The following OTOGL variants were observed in gnomAD, a reference collection of about 807,000 sequenced individuals.
OTOGL encodes the protein otogelin like.
A neutral mutation model predicts 318.5 loss-of-function variants in OTOGL; 285 were observed. The ratio of observed to expected loss-of-function variants is 0.89; its 90% CI spans 0.81 to 0.99. The LOEUF is 0.99. Among genes scored for constraint, OTOGL ranks in the 50% least tolerant of loss-of-function variants. OTOGL has a pLI of 0.00. For synonymous variants in OTOGL, 987 were observed against 936.5 expected (o/e 1.05, Z -0.99); for missense variants, 2,899 against 2,845.6 (o/e 1.02, Z -0.43).
intron 1 of OTOGL, among the ~76,000 whole-genome samples, chr12:80,115,184 T>C (rs1297740599): frequency 6.6e-6 from 1 of 152,110 alleles, no homozygotes; most frequent in Non-Finnish European, 1.5e-5. Context: ...TTCTGGTTTT[T>C]GTAATTTTCA....
intron 1 of OTOGL, among the ~76,000 whole-genome samples, chr12:80,119,937 C>A (rs1237490798): frequency 1.3e-5 from 2 of 152,116 alleles, no homozygotes; most frequent in Non-Finnish European, 2.9e-5. Flanking sequence ...ATAATTTTTT[C>A]ATCAGTTGTC....
Position 80,148,085 on chromosome 12 carries a change from A to G in OTOGL, c.-20+48480A>G, listed in dbSNP as rs372549113. ...GTTAATATTGTTATGTGTGAATTTG[A>G]TCCTGTCATGATGATGTTAGCTGGT... On this transcript the variant is annotated intron_variant, in intron 1 of 58. Coordinates refer to ENST00000547103, the MANE Select transcript of OTOGL (RefSeq NM_001378609.3). Among the ~76,000 whole-genome samples the G allele has an allele frequency of 4.3e-4, 65 of 150,754 alleles. No homozygotes were observed. The East Asian group carries it at 8.1e-3, about 19-fold the overall frequency.
intron 14 of OTOGL, 39 bp from the exon 15 acceptor site, chr12:80,254,485 T>C: frequency 6.5e-7 from 1 of 1,532,470 alleles, no homozygotes; most frequent in Non-Finnish European, 9.0e-7. Flanking sequence ...ATACAGTTTC[T>C]CTATGCCAAT....
chr12:80,349,223 G>C (rs752544122), intron 44 of OTOGL, among the ~76,000 whole-genome samples: 2 of 152,138 alleles, frequency 1.3e-5, no homozygotes, highest in African/African-American at 2.4e-5. Flanking sequence ...GGTTGGAAGA[G>C]TTATTAGTAT....
At chr12:80,332,522 C>A (rs1592718298) in intron 37 of OTOGL, among the ~76,000 whole-genome samples, 1 of 152,178 alleles carries the variant, frequency 6.6e-6, no homozygotes, top group South Asian at 2.1e-4. Context: ...CACCCATCAA[C>A]TAGGGCTTCC....
chr12:80,183,344 A>C (rs567612415), intron 1 of OTOGL, among the ~76,000 whole-genome samples: 30 of 152,336 alleles, frequency 2.0e-4, no homozygotes, highest in Admixed American at 1.4e-3. Flanking sequence ...AATAGATATA[A>C]GATTTGAAGT....
intron 8 of OTOGL, among the ~76,000 whole-genome samples, chr12:80,229,641 T>C (rs1321109047): frequency 1.3e-5 from 2 of 151,646 alleles, no homozygotes; most frequent in Non-Finnish European, 2.9e-5. Context: ...TGAGAGTCTC[T>C]CTCTCTCTTT....
At chr12:80,152,938 C>T (rs1054147682) in intron 1 of OTOGL, among the ~76,000 whole-genome samples, 1 of 152,204 alleles carries the variant, frequency 6.6e-6, no homozygotes, top group Admixed American at 6.5e-5. Context: ...AGGTGGTCCA[C>T]CTGCCTCGGC....
At chr12:80,264,627 A>G (rs1882799938) in intron 19 of OTOGL, among the ~76,000 whole-genome samples, 1 of 152,124 alleles carries the variant, frequency 6.6e-6, no homozygotes, top group South Asian at 2.1e-4. Flanking sequence ...TAATATCCAC[A>G]ATCTGGAACC....
At chr12:80,172,240 A>G (rs1466612596) in intron 1 of OTOGL, among the ~76,000 whole-genome samples, 5 of 151,920 alleles carry the variant, frequency 3.3e-5, no homozygotes, top group Non-Finnish European at 7.4e-5. Context: ...CCCTCCTCAA[A>G]TGTCATATTC....
intron 44 of OTOGL, among the ~76,000 whole-genome samples, chr12:80,348,588 A>C (rs1487449146): frequency 6.6e-6 from 1 of 152,114 alleles, no homozygotes; most frequent in African/African-American, 2.4e-5. Context: ...TAGTATCTTA[A>C]AATTATAAAC....
intron 38 of OTOGL, 88 bp downstream of exon 38, chr12:80,333,166 CTT>C (rs1001212321): frequency 8.4e-7 from 1 of 1,196,256 alleles, no homozygotes; most frequent in Non-Finnish European, 1.2e-6. Context: ...TGCTACTAAA[CTT>C]TTTTTGATAT....
intron 1 of OTOGL, among the ~76,000 whole-genome samples, chr12:80,200,502 T>C (rs2137282943): frequency 6.6e-6 from 1 of 152,358 alleles, no homozygotes; most frequent in Middle Eastern, 3.4e-3. Flanking sequence ...TTTTCAATGA[T>C]TGAGAACCCT....
chr12:80,197,793 A>G (rs116574191), intron 1 of OTOGL, among the ~76,000 whole-genome samples: 1,561 of 152,252 alleles, frequency 0.01, 30 homozygotes, highest in African/African-American at 0.036. Flanking sequence ...TCTCCTTCCC[A>G]CAGTCCCTCT....
intron 36 of OTOGL, 94 bp downstream of exon 36, chr12:80,328,838 G>T: frequency 8.3e-7 from 1 of 1,200,858 alleles, no homozygotes; most frequent in South Asian, 1.4e-5. Flanking sequence ...GTTTTAAACA[G>T]ACAATCAACT....
At chr12:80,345,034 TAAC>T (rs1367593240) in intron 44 of OTOGL, among the ~76,000 whole-genome samples, 1 of 90,460 alleles carries the variant, frequency 1.1e-5, no homozygotes, top group Non-Finnish European at 2.4e-5. Context: ...TTATATATTA[TAAC>T]ATATATTATT....
intron 47 of OTOGL, 39 bp downstream of exon 47, chr12:80,355,987 A>C: frequency 6.3e-7 from 1 of 1,575,516 alleles, no homozygotes; most frequent in Non-Finnish European, 8.7e-7. Context: ...TGATTCCACA[A>C]AATATGTTGA....
At chr12:80,352,633 C>T (rs537591369) in intron 45 of OTOGL, among the ~76,000 whole-genome samples, 197 bp downstream of exon 45, 1 of 152,338 alleles carries the variant, frequency 6.6e-6, no homozygotes, top group East Asian at 1.9e-4. Flanking sequence ...TTTGTGCCTT[C>T]TCCAGCCCTT....
At chr12:80,192,164 T>G (rs969263737) in intron 1 of OTOGL, among the ~76,000 whole-genome samples, 1 of 152,352 alleles carries the variant, frequency 6.6e-6, no homozygotes, top group Non-Finnish European at 1.5e-5. Context: ...ACAGGACATA[T>G]GGCAAACTTT....
Sources: allele counts gnomAD v4.1 joint callset (sites outside exome capture counted in the v4.1 genomes callset), GRCh38; gene constraint gnomAD v4.1.1; transcripts MANE v1.5; gene names NCBI Gene and HGNC (gene_info 2026-07-23, HGNC 2026-07-21).